EXD2: variants seen among roughly 807,000 people sequenced by gnomAD.
EXD2 encodes the protein exonuclease 3'-5' domain containing 2.
A neutral mutation model predicts 62.5 loss-of-function variants in EXD2; 40 were observed. That is an observed-to-expected ratio of 0.64 (90% CI 0.50 to 0.83). The LOEUF (loss-of-function observed/expected upper bound fraction) is 0.83. Ranked by LOEUF, EXD2 falls within the 40% of genes least tolerant of loss-of-function variation. EXD2 has a pLI of 0.00. For missense variants in EXD2, 671 were observed against 761.8 expected (o/e 0.88, Z 1.40); for synonymous variants, 239 against 291.9 (o/e 0.82, Z 1.85).
chr14:69,228,231 G>A (rs1030513742), intron 3 of EXD2, among the ~76,000 whole-genome samples: 2 of 116,016 alleles, frequency 1.7e-5, no homozygotes, highest in Admixed American at 1.3e-4. Flanking sequence ...CACTCTTGTC[G>A]TTCAGGCTGG....
intron 1 of EXD2, among the ~76,000 whole-genome samples, chr14:69,198,033 C>G (rs1594719453): frequency 6.6e-6 from 1 of 152,184 alleles, no homozygotes; most frequent in African/African-American, 2.4e-5. Context: ...TAGATCTTCA[C>G]TAAAGTTTTC....
At chr14:69,216,779 G>C (rs370790406) in intron 3 of EXD2, among the ~76,000 whole-genome samples, 2 of 151,830 alleles carry the variant, frequency 1.3e-5, no homozygotes, top group African/African-American at 4.8e-5. Flanking sequence ...TATACATTGC[G>C]GGATAATTAA....
intron 1 of EXD2, among the ~76,000 whole-genome samples, chr14:69,199,227 G>C (rs1414512505): frequency 1.3e-5 from 2 of 152,246 alleles, no homozygotes; most frequent in Non-Finnish European, 2.9e-5. Context: ...CTGGGCAACA[G>C]AGTGAGACTC....
intron 8 of EXD2, 126 bp from the exon 9 acceptor site, chr14:69,237,449 C>A: frequency 2.6e-6 from 2 of 781,858 alleles, no homozygotes; most frequent in Non-Finnish European, 2.2e-6. Flanking sequence ...CTGTGTTGGG[C>A]GGTGGTGCCC....
intron 1 of EXD2, among the ~76,000 whole-genome samples, chr14:69,199,316 T>A (rs1285492247): frequency 6.6e-6 from 1 of 152,232 alleles, no homozygotes; most frequent in African/African-American, 2.4e-5. Flanking sequence ...TGGAAGTTGC[T>A]CTGGGTGAAC....
At chr14:69,223,925 C>T (rs2043271771) in intron 3 of EXD2, among the ~76,000 whole-genome samples, 1 of 152,168 alleles carries the variant, frequency 6.6e-6, no homozygotes, top group Admixed American at 6.5e-5. Context: ...GGAAGCATGG[C>T]CACATCTGCT....
intron 1 of EXD2, chr14:69,191,897 C>T (rs1054519720): frequency 6.6e-6 from 1 of 152,354 alleles, no homozygotes; most frequent in East Asian, 1.9e-4. Context: ...CCCCCTTACC[C>T]TCTCCCTGGG....
intron 2 of EXD2, among the ~76,000 whole-genome samples, chr14:69,206,455 C>CTTTTTTTTTTTTTTT (rs56333403): frequency 1.1e-5 from 1 of 94,642 alleles, no homozygotes; most frequent in Non-Finnish European, 2.1e-5. Flanking sequence ...CACCCACCCA[C>CTTTTTTTTTTTTTTT]TTTTTTTTTT....
intron 3 of EXD2, among the ~76,000 whole-genome samples, chr14:69,210,368 T>C (rs982403794): frequency 6.6e-6 from 1 of 152,244 alleles, no homozygotes; most frequent in Non-Finnish European, 1.5e-5. Context: ...AGCCATGTAC[T>C]ATATGTTTTG....
chr14:69,215,819 CTT>C (rs371624293), intron 3 of EXD2, among the ~76,000 whole-genome samples: 7 of 139,874 alleles, frequency 5.0e-5, no homozygotes, highest in Admixed American at 1.4e-4. Flanking sequence ...GCCTCATTTT[CTT>C]TTTTTTTTTT....
In EXD2 at chr14:69,221,980, C is replaced by T. The variant is rs185628572; in HGVS notation, c.334-6836C>T. On this transcript the variant is annotated intron_variant, in intron 3 of 9. Transcript: ENST00000685843. ...GTGCGCACCTGTAATCCCAGCTACT[C>T]GGGAGGCTGAGGCAGGAGAATCGCT... is the stretch of plus-strand genomic sequence containing the variant. 2.1e-3 allele frequency among the ~76,000 whole-genome samples: 301 copies of T among 146,006 alleles called. 1 individual carries two copies. The highest frequency in any genetic ancestry group is 0.015 in the Middle Eastern group (4 of 270).
intron 1 of EXD2, among the ~76,000 whole-genome samples, chr14:69,192,323 A>G (rs2042057808): frequency 6.6e-6 from 1 of 152,192 alleles, no homozygotes. Context: ...TGTTCCAAGG[A>G]TAGAAGGAAT....
intron 7 of EXD2, 53 bp from the exon 8 acceptor site, chr14:69,236,354 T>G: frequency 1.9e-6 from 3 of 1,612,496 alleles, no homozygotes; most frequent in Non-Finnish European, 2.5e-6. Context: ...GCTTCTTGGG[T>G]GTGGTGGTGG....
intron 3 of EXD2, among the ~76,000 whole-genome samples, chr14:69,220,371 C>T (rs1322237724): frequency 3.5e-5 from 5 of 141,728 alleles, no homozygotes; most frequent in Admixed American, 1.4e-4. Flanking sequence ...CCCGGGTTCA[C>T]GCCATACTCC....
chr14:69,241,035 G>A lies in EXD2; in HGVS notation c.1801G>A (p.Val601Met). ...QPKHLPQQWSVDHNHQKLLRK... is the reference protein window; with the variant it reads ...QPKHLPQQWSMDHNHQKLLRK... ...CAAGCACCTGCCCCAGCAGTGGTCA[G>A]TGGACCACAACCATCAGAAGCTGCT... The change falls in exon 10 of 10, where the codon GTG becomes ATG. Residue 601 changes from valine (V) to methionine (M), a missense_variant. Transcript: ENST00000685843. The A allele has an allele frequency of 1.2e-6, 2 of 1,613,014 alleles. No individual in the cohort carries two copies. Among genetic ancestry groups the A allele is most frequent in the South Asian group, 2.2e-5 (2 of 91,014 alleles).
At chr14:69,212,030 A>G (rs966615559) in intron 3 of EXD2, among the ~76,000 whole-genome samples, 4 of 152,190 alleles carry the variant, frequency 2.6e-5, no homozygotes, top group African/African-American at 9.7e-5. Flanking sequence ...AAAGTCATTC[A>G]TGGCTTCCTT....
intron 2 of EXD2, among the ~76,000 whole-genome samples, chr14:69,208,539 T>G (rs1444337674): frequency 6.6e-6 from 1 of 152,246 alleles, no homozygotes; most frequent in Admixed American, 6.5e-5. Context: ...TGTTGCACTT[T>G]TACTGTTATT....
chr14:69,193,060 C>CTTT (rs1555385968), intron 1 of EXD2, among the ~76,000 whole-genome samples: 8 of 138,148 alleles, frequency 5.8e-5, no homozygotes, highest in African/African-American at 1.6e-4. Context: ...TTCTCTCTCT[C>CTTT]TTTTTTTTTT....
chr14:69,236,665 A>T (rs1193518508), intron 8 of EXD2, 123 bp downstream of exon 8: 4 of 1,279,718 alleles, frequency 3.1e-6, no homozygotes, highest in Non-Finnish European at 4.4e-6. Context: ...GCTTGTTCCT[A>T]GTATCCAGCT....
Sources: allele counts gnomAD v4.1 joint callset (sites outside exome capture counted in the v4.1 genomes callset), GRCh38; gene constraint gnomAD v4.1.1; transcripts MANE v1.5; gene names NCBI Gene and HGNC (gene_info 2026-07-23, HGNC 2026-07-21).